LRMDA: variants seen among roughly 807,000 people sequenced by gnomAD.
LRMDA encodes leucine rich melanocyte differentiation associated, also known as leucine-rich melanocyte differentiation-associated protein.
LRMDA carries 18 observed loss-of-function variants against 29.8 expected under a neutral mutation model. The observed-to-expected ratio is 0.60, with a 90% CI of 0.42 to 0.90. The LOEUF (loss-of-function observed/expected upper bound fraction) is 0.90. Among genes scored for constraint, LRMDA ranks in the 40% least tolerant of loss-of-function variants. LRMDA has a pLI of 0.00. For synonymous variants in LRMDA, 125 were observed against 109.4 expected (o/e 1.14, Z -0.89); for missense variants, 273 against 273.9 (o/e 1.00, Z 0.02).
At chr10:75,448,816 C>T (rs1477712886) in intron 2 of LRMDA, among the ~76,000 whole-genome samples, 3 of 152,140 alleles carry the variant, frequency 2.0e-5, no homozygotes, top group Non-Finnish European at 4.4e-5. Flanking sequence ...GCTCTACTCT[C>T]CAAAGGAGTC....
intron 6 of LRMDA, among the ~76,000 whole-genome samples, chr10:76,518,088 C>T (rs377082531): frequency 7.9e-5 from 12 of 151,746 alleles, no homozygotes; most frequent in East Asian, 3.9e-4. Context: ...AGTGAACTAC[C>T]GACATTGTCC....
At chr10:75,944,466 T>G (rs970235699) in intron 2 of LRMDA, among the ~76,000 whole-genome samples, 3 of 151,798 alleles carry the variant, frequency 2.0e-5, no homozygotes, top group Admixed American at 1.3e-4. Context: ...TTTGTGGGGG[T>G]TTTTTGCCAT....
intron 6 of LRMDA, among the ~76,000 whole-genome samples, chr10:76,542,115 G>T (rs1360731737): frequency 6.6e-6 from 1 of 152,064 alleles, no homozygotes; most frequent in Non-Finnish European, 1.5e-5. Flanking sequence ...CTTGGGGGAA[G>T]TCACAGCCAT....
At chr10:76,492,150 C>T (rs749248382) in intron 6 of LRMDA, among the ~76,000 whole-genome samples, 6 of 152,098 alleles carry the variant, frequency 3.9e-5, no homozygotes, top group Non-Finnish European at 8.8e-5. Flanking sequence ...TTTGAATTCT[C>T]TGTCTGAAAG....
At chr10:76,061,950 A>G (rs7090542) in intron 5 of LRMDA, among the ~76,000 whole-genome samples, 6,522 of 152,258 alleles carry the variant, frequency 0.043, 353 homozygotes, top group African/African-American at 0.12. Flanking sequence ...ATAAATTGGC[A>G]TTAAAAAGGC....
chr10:76,123,450 A>G (rs1849825195), intron 5 of LRMDA, among the ~76,000 whole-genome samples: 1 of 152,070 alleles, frequency 6.6e-6, no homozygotes, highest in South Asian at 2.1e-4. Context: ...TCGAGGCTGC[A>G]GTGAGCTGTG....
chr10:75,518,587 CTCTT>C (rs1845321693), intron 2 of LRMDA, among the ~76,000 whole-genome samples: 2 of 152,054 alleles, frequency 1.3e-5, no homozygotes, highest in African/African-American at 4.8e-5. Context: ...CGATTCTTCT[CTCTT>C]TTCTTCTTTA....
chr10:75,512,209 TCTGA>T (rs1845233260), intron 2 of LRMDA, among the ~76,000 whole-genome samples: 2 of 152,168 alleles, frequency 1.3e-5, no homozygotes, highest in Admixed American at 6.5e-5. Context: ...TTTCCATCAG[TCTGA>T]CTGACTGTGC....
intron 6 of LRMDA, among the ~76,000 whole-genome samples, chr10:76,479,566 G>A (rs1240441438): frequency 3.3e-5 from 5 of 151,870 alleles, no homozygotes; most frequent in African/African-American, 1.2e-4. Flanking sequence ...GGGCAGCCCT[G>A]TGCAGTGAAT....
chr10:75,847,228 A>AAAGAGTGCC (rs1844654214), intron 2 of LRMDA, among the ~76,000 whole-genome samples: 1 of 152,234 alleles, frequency 6.6e-6, no homozygotes, highest in Non-Finnish European at 1.5e-5. Flanking sequence ...TGATTTTCAA[A>AAAGAGTGCC]AAGAGTGCCA....
intron 2 of LRMDA, among the ~76,000 whole-genome samples, chr10:75,584,581 G>GT (rs1469559087): frequency 1.3e-5 from 2 of 152,210 alleles, no homozygotes; most frequent in Non-Finnish European, 2.9e-5. Context: ...GAGAATAGGA[G>GT]TTTTGTTGGG....
chr10:75,621,218 ACACACACC>A (rs1318293795), intron 2 of LRMDA, among the ~76,000 whole-genome samples: 5 of 130,118 alleles, frequency 3.8e-5, no homozygotes, highest in African/African-American at 8.2e-5. Flanking sequence ...ACACACACAC[ACACACACC>A]CACACACCCA....
At chr10:76,190,655 T>A (rs971887239) in intron 5 of LRMDA, among the ~76,000 whole-genome samples, 6 of 152,188 alleles carry the variant, frequency 3.9e-5, no homozygotes, top group African/African-American at 1.4e-4. Flanking sequence ...CAGATCTGAA[T>A]GTTGGTGGCA....
intron 5 of LRMDA, among the ~76,000 whole-genome samples, chr10:76,075,271 C>A (rs1848939186): frequency 6.6e-6 from 1 of 152,184 alleles, no homozygotes; most frequent in South Asian, 2.1e-4. Context: ...GGGCCCTAAT[C>A]CATCTGGCTG....
intron 2 of LRMDA, among the ~76,000 whole-genome samples, chr10:75,822,768 C>A (rs1185861044): frequency 6.6e-6 from 1 of 151,980 alleles, no homozygotes; most frequent in Non-Finnish European, 1.5e-5. Context: ...CTCTTTCACC[C>A]AAAGCTGGAG....
chr10:76,247,998 G>A (rs950581157), intron 5 of LRMDA, among the ~76,000 whole-genome samples: 1 of 152,078 alleles, frequency 6.6e-6, no homozygotes, highest in African/African-American at 2.4e-5. Flanking sequence ...TCAAATAATG[G>A]GGAAAGGACA....
In LRMDA at chr10:76,181,794, C is replaced by T. The variant is rs148885297; in HGVS notation, c.516+123011C>T. Among the ~76,000 whole-genome samples the T allele has an allele frequency of 1.1e-3, 162 of 152,300 alleles. 1 individual carries two copies. The highest frequency in any genetic ancestry group is 3.6e-3 in the African/African-American group (148 of 41,576). ...TCTTGACTGAAAACTTAACCTACCACTTGTTGGAGGCCTTTGGGACTAAAT... is the reference window on the plus strand; with the variant it reads ...TCTTGACTGAAAACTTAACCTACCATTTGTTGGAGGCCTTTGGGACTAAAT... On this transcript the variant is annotated intron_variant, in intron 5 of 6. Transcript: ENST00000611255.
chr10:75,650,723 G>A (rs1841588062), intron 2 of LRMDA, among the ~76,000 whole-genome samples: 2 of 152,132 alleles, frequency 1.3e-5, no homozygotes, highest in African/African-American at 4.8e-5. Flanking sequence ...AAGGGAGGGA[G>A]GGCCCTTTTC....
intron 2 of LRMDA, among the ~76,000 whole-genome samples, chr10:75,719,656 G>A (rs1310299402): frequency 6.6e-6 from 1 of 152,208 alleles, no homozygotes; most frequent in African/African-American, 2.4e-5. Context: ...GATGTTGAGG[G>A]AGAAGGTAGG....
Sources: allele counts gnomAD v4.1 joint callset (sites outside exome capture counted in the v4.1 genomes callset), GRCh38; gene constraint gnomAD v4.1.1; transcripts MANE v1.5; gene names NCBI Gene and HGNC (gene_info 2026-07-23, HGNC 2026-07-21).